Variants in TAF4 observed in about 807,000 individuals in gnomAD.
TAF4 encodes the protein TATA-box binding protein associated factor 4, also known as transcription initiation factor TFIID subunit 4.
TAF4 carries 9 observed loss-of-function variants against 90.3 expected under a neutral mutation model. The observed-to-expected ratio is 0.10, with a 90% confidence interval of 0.06 to 0.17. The LOEUF (loss-of-function observed/expected upper bound fraction) is 0.17. Ranked by LOEUF, TAF4 falls within the 10% of genes least tolerant of loss-of-function variation. The pLI is 1.00. For missense variants in TAF4, 1,351 were observed against 1,370.7 expected (o/e 0.99, Z 0.23); for synonymous variants, 818 against 638.9 (o/e 1.28, Z -4.23).
chr20:62,038,476 C>T (rs145450818), intron 1 of TAF4, among the ~76,000 whole-genome samples: 294 of 152,030 alleles, frequency 1.9e-3, no homozygotes, highest in African/African-American at 6.9e-3. Context: ...TGACCCACCG[C>T]GCCCGGCCAA....
At chr20:62,051,581 C>T (rs1019574570) in intron 1 of TAF4, among the ~76,000 whole-genome samples, 1 of 152,082 alleles carries the variant, frequency 6.6e-6, no homozygotes, top group African/African-American at 2.4e-5. Context: ...CTGGGCCTGT[C>T]CCAGACCTGT....
chr20:62,032,017 G>C (rs920464451), intron 1 of TAF4, among the ~76,000 whole-genome samples: 12 of 152,150 alleles, frequency 7.9e-5, no homozygotes, highest in African/African-American at 2.9e-4. Context: ...CCGCAGCACT[G>C]TCCTTCTGCG....
At chr20:62,044,301 G>A (rs1317924195) in intron 1 of TAF4, among the ~76,000 whole-genome samples, 1 of 152,034 alleles carries the variant, frequency 6.6e-6, no homozygotes, top group East Asian at 1.9e-4. Context: ...AAATGTCAAG[G>A]TAAAAATTAG....
At chr20:62,021,219 AG>A (rs1324485155) in intron 1 of TAF4, among the ~76,000 whole-genome samples, 7 of 152,226 alleles carry the variant, frequency 4.6e-5, no homozygotes, top group Admixed American at 2.0e-4. Flanking sequence ...GTCTCAAAAA[AG>A]GTATATTCTG....
intron 1 of TAF4, among the ~76,000 whole-genome samples, chr20:62,024,271 AC>A (rs2055862669): frequency 1.3e-5 from 2 of 152,228 alleles, no homozygotes; most frequent in South Asian, 4.1e-4. Context: ...CATAGTGTGT[AC>A]CAACATCAAC....
chr20:62,018,019 T>C (rs1416895423), intron 1 of TAF4, among the ~76,000 whole-genome samples: 1 of 151,516 alleles, frequency 6.6e-6, no homozygotes, highest in Non-Finnish European at 1.5e-5. Flanking sequence ...GGGCCCAGTG[T>C]CCCTTGTGGT....
At chr20:61,985,142 C>CA (rs1267773410) in intron 14 of TAF4, among the ~76,000 whole-genome samples, 6 of 151,176 alleles carry the variant, frequency 4.0e-5, no homozygotes, top group Non-Finnish European at 7.4e-5. Flanking sequence ...CTCTCACAAA[C>CA]AAAAAATCAA....
At chr20:62,028,508 C>T (rs1280796638) in intron 1 of TAF4, among the ~76,000 whole-genome samples, 1 of 152,132 alleles carries the variant, frequency 6.6e-6, no homozygotes, top group Admixed American at 6.5e-5. Context: ...CCACAGGGAA[C>T]TTGTATGTGC....
rs774057372 is a variant in TAF4, at chr20:62,065,139, C to A, written c.672G>T (p.Ala224=). The A allele has an allele frequency of 1.5e-5, 18 of 1,177,100 alleles. No homozygotes were observed. In the South Asian group the frequency reaches 2.2e-4, roughly 15 times the overall value. The allele number at this position is 1,177,100 out of a possible 1,614,324, so 72.9% of individuals were successfully genotyped here. The change falls in exon 1 of 15, where the codon GCG becomes GCT. Residue 224 remains alanine (A), a synonymous_variant. Transcript: ENST00000252996. The part of the protein sequence containing the change: ...AVSLVNNGPA[A]LLPLPKPAAP... ...CGGCGGGCTTGGGCAGCGGCAGCAG[C>A]GCGGCGGGCCCGTTGTTGACCAGGC...
Position 61,975,319 on chromosome 20 carries a change from T to C in TAF4, c.*849A>G, listed in dbSNP as rs2055486201. 1.3e-5 allele frequency: 2 copies of C among 152,416 alleles called. No individual in the cohort carries two copies. The highest frequency in any genetic ancestry group is 2.1e-4 in the South Asian group (1 of 4,822). 9.4% of individuals were successfully genotyped at this position (152,416 alleles called of 1,614,324 possible). A position where few individuals can be genotyped will look rare whatever the true frequency, so the allele number is the denominator to read the frequency against. On this transcript the variant is annotated 3_prime_UTR_variant, in exon 15 of 15. Coordinates refer to ENST00000252996, the MANE Select transcript of TAF4 (RefSeq NM_003185.4). ...AATTACTGACAAAATACACCAACCA[T>C]TTTTCAACACTTGATTCACACCGAG...
At chr20:62,008,822 C>T (rs751230388) in intron 5 of TAF4, 87 of 443,068 alleles carry the variant, frequency 2.0e-4, no homozygotes, top group East Asian at 3.0e-4. Flanking sequence ...CGGCAAAGCC[C>T]GGGAGACCTC....
chr20:62,041,233 C>T (rs2145502828), intron 1 of TAF4, among the ~76,000 whole-genome samples: 1 of 152,296 alleles, frequency 6.6e-6, no homozygotes, highest in Admixed American at 6.5e-5. Flanking sequence ...GGGTAGACAT[C>T]CTCAATCTGT....
intron 1 of TAF4, among the ~76,000 whole-genome samples, chr20:62,050,096 T>C (rs1195446336): frequency 6.6e-6 from 1 of 152,100 alleles, no homozygotes; most frequent in Non-Finnish European, 1.5e-5. Context: ...GACAAACTGT[T>C]TTTCTACAAC....
At position 62,018,364 on chromosome 20, in the gene TAF4, G is replaced by A. The variant is rs916078965; in HGVS notation, c.1361-3657C>T. 2.6e-5 allele frequency among the ~76,000 whole-genome samples: 4 copies of A among 152,242 alleles called. No individual in the cohort carries two copies. The East Asian group carries it at 7.7e-4, about 29-fold the overall frequency. The stretch of plus-strand genomic sequence containing the variant: ...AGGTTCTCACAGTTCTGGGTCCTGT[G>A]AGCTCTGTTTACGGACAAATAATCC... On this transcript the variant is annotated intron_variant, in intron 1 of 14. Transcript: ENST00000252996.
At chr20:61,976,995 C>A (rs1015214122) in intron 14 of TAF4, among the ~76,000 whole-genome samples, 3 of 152,208 alleles carry the variant, frequency 2.0e-5, no homozygotes, top group Non-Finnish European at 2.9e-5. Context: ...AGAGCTCTGG[C>A]GGTTTCAGCT....
At chr20:62,042,390 G>A (rs1459571876) in intron 1 of TAF4, among the ~76,000 whole-genome samples, 2 of 152,334 alleles carry the variant, frequency 1.3e-5, no homozygotes, top group African/African-American at 2.4e-5. Flanking sequence ...CTTCAAGTCC[G>A]TGTGACCTGA....
At chr20:61,976,892 C>T (rs916940214) in intron 14 of TAF4, among the ~76,000 whole-genome samples, 3 of 152,208 alleles carry the variant, frequency 2.0e-5, no homozygotes, top group African/African-American at 7.2e-5. Flanking sequence ...ACGCCGCCTC[C>T]GTCAGCCCCT....
chr20:62,032,629 C>A (rs780264360), intron 1 of TAF4, among the ~76,000 whole-genome samples: 2 of 152,238 alleles, frequency 1.3e-5, no homozygotes, highest in Non-Finnish European at 2.9e-5. Flanking sequence ...TTAAATAGTG[C>A]CAATCCCATG....
At chr20:62,049,467 T>A (rs2056013630) in intron 1 of TAF4, among the ~76,000 whole-genome samples, 1 of 152,114 alleles carries the variant, frequency 6.6e-6, no homozygotes, top group African/African-American at 2.4e-5. Flanking sequence ...AGGACCAACA[T>A]CTAGAACCCA....
Sources: gnomAD v4.1 joint callset for allele counts (sites outside exome capture counted in the v4.1 genomes callset) on GRCh38, gnomAD v4.1.1 for gene constraint, MANE v1.5 for transcripts, NCBI Gene and HGNC (gene_info 2026-07-23, HGNC 2026-07-21) for gene names.